TG: variants seen among roughly 807,000 people sequenced by gnomAD.
TG encodes thyroid hormones.
A neutral mutation model predicts 324.7 loss-of-function variants in TG; 270 were observed. The ratio of observed to expected loss-of-function variants is 0.83; its 90% CI spans 0.75 to 0.92. The LOEUF (loss-of-function observed/expected upper bound fraction) is 0.92. Among genes scored for constraint, TG ranks in the 40% least tolerant of loss-of-function variants. TG has a pLI of 0.00. For synonymous variants in TG, 1,401 were observed against 1,327.0 expected, an observed-to-expected ratio of 1.06 and a Z score of -1.21; for missense variants, 3,591 against 3,456.4, an observed-to-expected ratio of 1.04 and a Z score of -0.98.
intron 41 of TG, among the ~76,000 whole-genome samples, chr8:133,054,827 T>TA (rs1184638155): frequency 6.6e-6 from 1 of 152,212 alleles, no homozygotes; most frequent in Non-Finnish European, 1.5e-5. Context: ...AGGCAGGCCT[T>TA]ACGGGACTTA....
At chr8:133,133,928 A>G (rs1852150219) in intron 47 of TG, among the ~76,000 whole-genome samples, 2 of 152,180 alleles carry the variant, frequency 1.3e-5, no homozygotes, top group Admixed American at 1.3e-4. Flanking sequence ...TGGGGGGTAG[A>G]ATGCTGAACC....
At chr8:132,896,017 G>A (rs982419102) in intron 11 of TG, among the ~76,000 whole-genome samples, 2 of 152,258 alleles carry the variant, frequency 1.3e-5, no homozygotes, top group Non-Finnish European at 2.9e-5. Context: ...GGCCCAGAGC[G>A]AAGTGCCTTT....
intron 41 of TG, among the ~76,000 whole-genome samples, chr8:133,091,928 T>C (rs1802685738): frequency 6.9e-6 from 1 of 145,646 alleles, no homozygotes; most frequent in South Asian, 2.1e-4. Flanking sequence ...GCTACGTCTG[T>C]GTGTGTGTGT....
rs756225459 is a variant in TG at position 132,908,227 on chromosome 8, C to T, written c.3889C>T (p.Gln1297Ter). The T allele has an allele frequency of 2.5e-6, 4 of 1,613,922 alleles. No individual in the cohort carries two copies. Among genetic ancestry groups the T allele is most frequent in the Non-Finnish European group, 3.4e-6 (4 of 1,180,014 alleles). ...WQTIQTQGHFQLQLPPGKMCS... is the reference protein window; with the variant it reads ...WQTIQTQGHF Reference sequence around the variant, plus strand: ...GACCATCCAGACCCAAGGGCACTTTCAGCTCCAGCTCCCGCCGGGCAAGAT... The same window carrying T: ...GACCATCCAGACCCAAGGGCACTTTTAGCTCCAGCTCCCGCCGGGCAAGAT... The change falls in exon 18 of 48, where the codon CAG (glutamine) becomes TAG (stop). Residue 1297 changes from glutamine to a stop codon, truncating the protein, a stop_gained. Transcript: ENST00000220616. LOFTEE classifies it high-confidence loss of function.
chr8:133,076,883 A>G (rs929715239), intron 41 of TG: 3 of 152,172 alleles, frequency 2.0e-5, no homozygotes, highest in Non-Finnish European at 4.4e-5. Flanking sequence ...AAAGAACTAG[A>G]AAGAACATTA....
intron 41 of TG, among the ~76,000 whole-genome samples, chr8:133,084,910 A>T (rs1303259511): frequency 1.3e-5 from 2 of 152,234 alleles, no homozygotes; most frequent in African/African-American, 4.8e-5. Context: ...GGGTAGTGTC[A>T]TGGCTTTGGA....
chr8:133,072,588 C>T (rs746570186), intron 41 of TG, among the ~76,000 whole-genome samples: 3 of 152,224 alleles, frequency 2.0e-5, no homozygotes, highest in Non-Finnish European at 4.4e-5. Flanking sequence ...CAGCCTCTCT[C>T]AGAGCTGGGA....
At chr8:133,104,816 G>T (rs1199732154) in intron 43 of TG, among the ~76,000 whole-genome samples, 1 of 152,130 alleles carries the variant, frequency 6.6e-6, no homozygotes, top group Non-Finnish European at 1.5e-5. Context: ...AACCCACCCT[G>T]TCTCCACTGA....
At chr8:132,902,041 A>G (rs1427270481) in intron 16 of TG, among the ~76,000 whole-genome samples, 1 of 152,152 alleles carries the variant, frequency 6.6e-6, no homozygotes, top group Non-Finnish European at 1.5e-5. Context: ...TAAATATTAA[A>G]ATATATTATT....
chr8:133,014,600 A>G (rs1205072730), intron 37 of TG, among the ~76,000 whole-genome samples: 4 of 152,264 alleles, frequency 2.6e-5, no homozygotes, highest in African/African-American at 9.6e-5. Flanking sequence ...AGCAATAAAC[A>G]ACATGTAAGT....
At chr8:133,061,745 C>G (rs1276041922) in intron 41 of TG, among the ~76,000 whole-genome samples, 1 of 152,152 alleles carries the variant, frequency 6.6e-6, no homozygotes, top group African/African-American at 2.4e-5. Context: ...AAAAGTCAGC[C>G]CATCCAACTC....
intron 18 of TG, among the ~76,000 whole-genome samples, chr8:132,910,871 G>C: frequency 6.6e-6 from 1 of 152,142 alleles, no homozygotes; most frequent in East Asian, 1.9e-4. Context: ...ACCATCCTTG[G>C]GCTAACAGGC....
intron 47 of TG, among the ~76,000 whole-genome samples, chr8:133,134,043 G>A (rs1390815443): frequency 6.6e-6 from 1 of 152,242 alleles, no homozygotes; most frequent in African/African-American, 2.4e-5. Context: ...TCTTGGAGAG[G>A]TAACTCTAGC....
intron 20 of TG, among the ~76,000 whole-genome samples, chr8:132,913,664 C>G (rs924075930): frequency 1.3e-5 from 2 of 152,098 alleles, no homozygotes; most frequent in African/African-American, 4.8e-5. Flanking sequence ...GAAAATGGTT[C>G]CTGATTGAGG....
At chr8:132,966,736 C>G (rs770557972) in intron 30 of TG, 39 bp downstream of exon 30, 40 of 1,612,820 alleles carry the variant, frequency 2.5e-5, no homozygotes, top group Non-Finnish European at 3.1e-5. Flanking sequence ...CTTCCAGACA[C>G]TGTAGTCAGG....
intron 44 of TG, among the ~76,000 whole-genome samples, chr8:133,115,730 C>G (rs549240268): frequency 1.3e-4 from 20 of 152,298 alleles, no homozygotes; most frequent in African/African-American, 4.3e-4. Context: ...GGATTGAAAA[C>G]CTGGTGGGCC....
intron 27 of TG, among the ~76,000 whole-genome samples, chr8:132,951,619 T>C (rs1826111856): frequency 6.6e-6 from 1 of 152,116 alleles, no homozygotes; most frequent in South Asian, 2.1e-4. Context: ...GTGCCCTATA[T>C]GTGTGTGTGT....
chr8:133,133,920 G>A (rs1852148807), intron 47 of TG, among the ~76,000 whole-genome samples: 1 of 152,186 alleles, frequency 6.6e-6, no homozygotes. Flanking sequence ...AAGGTCTATG[G>A]GGGGTAGAAT....
chr8:132,887,351 C>T lies in TG; in HGVS notation c.1979C>T (p.Thr660Ile). Residue 660 changes from threonine (T) to isoleucine (I), a missense_variant, in exon 9 of 48, where the codon ACA becomes ATA. Thr to Ile is a moderately conservative substitution (Grantham distance 89). Transcript: ENST00000220616. ...RVRGGQPRCP[T>I]DCEKQRARMQ... Reference sequence around the variant, plus strand: ...AGAGGTGGACAGCCAAGGTGCCCCACAGACTGTGAAAAGCAAAGGGCTCGC... The same window carrying T: ...AGAGGTGGACAGCCAAGGTGCCCCATAGACTGTGAAAAGCAAAGGGCTCGC... 6.2e-7 allele frequency: 1 copy of T among 1,613,686 alleles called. No individual in the cohort carries two copies. The highest frequency in any genetic ancestry group is 8.5e-7 in the Non-Finnish European group (1 of 1,179,624).
Sources: allele counts gnomAD v4.1 joint callset (sites outside exome capture counted in the v4.1 genomes callset), GRCh38; gene constraint gnomAD v4.1.1; transcripts MANE v1.5; gene names NCBI Gene and HGNC (gene_info 2026-07-23, HGNC 2026-07-21).